Variants in RGPD4 observed in about 807,000 individuals in gnomAD.
RGPD4 encodes ranBP2-like and GRIP domain-containing protein 4.
Under a neutral mutation model 141.1 loss-of-function variants are expected in RGPD4, and 84 were observed. The observed-to-expected ratio is 0.60, with a 90% CI of 0.50 to 0.71. The LOEUF (loss-of-function observed/expected upper bound fraction) is 0.71, where lower values mean the gene tolerates loss of function less well. RGPD4 is among the 30% of genes least tolerant of loss of function. The pLI is 0.00. For synonymous variants in RGPD4, 298 were observed against 566.8 expected (o/e 0.53, Z 6.74); for missense variants, 918 against 1,622.4 (o/e 0.57, Z 7.46).
Position 107,871,240 on chromosome 2 carries a change from A to G in RGPD4, c.3236A>G (p.Glu1079Gly). ...GATGCTGAGGTAAGGCAGTGGAAAG[A>G]AAGGGGCTTGGGGAACTTAAAAATT... is the stretch of plus-strand genomic sequence containing the variant. ...RFDAEVRQWK[E>G]RGLGNLKILK... The change falls in exon 20 of 23, where the codon GAA becomes GGA. Residue 1079 changes from glutamate (E) to glycine (G), a missense_variant. Physicochemically the swap from Glu to Gly is moderately conservative, Grantham distance 98. Coordinates refer to ENST00000408999, the MANE Select transcript of RGPD4 (RefSeq NM_182588.3). The G allele has an allele frequency of 6.2e-7, 1 of 1,609,298 alleles. No individual in the cohort carries two copies. Among genetic ancestry groups the G allele is most frequent in the South Asian group, 1.1e-5 (1 of 90,858 alleles).
At position 107,892,541 on chromosome 2, in the gene RGPD4, T is replaced by A. The variant is rs1288563814; in HGVS notation, c.*1810T>A. Among the ~76,000 whole-genome samples the A allele has an allele frequency of 7.3e-6, 1 of 137,008 alleles. No individual in the cohort carries two copies. Among genetic ancestry groups the A allele is most frequent in the East Asian group, 2.0e-4 (1 of 4,960 alleles). 89.9% of individuals were successfully genotyped at this position (137,008 alleles called of 152,430 possible). ...AATATTTCTATTAAATATGTTTAAC[T>A]GTATATTTTTATGGCAGCTCTTTTA... is the stretch of plus-strand genomic sequence containing the variant. On this transcript the variant is annotated 3_prime_UTR_variant, in exon 23 of 23. Coordinates refer to ENST00000408999, the MANE Select transcript of RGPD4 (RefSeq NM_182588.3).
rs753803125 is a variant in RGPD4 at position 107,871,131 on chromosome 2, C to T, written c.3127C>T (p.Gln1043Ter). ...TGACATCCATTTTGAACCAGTAGTT[C>T]AAATGCCTGAAAAAGTAGAACTTGT... is the stretch of plus-strand genomic sequence containing the variant. ...SDDIHFEPVVQMPEKVELVIG... is the reference protein window; with the variant it reads ...SDDIHFEPVV The change falls in exon 20 of 23, where the codon CAA (glutamine) becomes TAA (stop). Residue 1043 changes from glutamine (Q) to a stop codon, truncating the protein, a stop_gained. Transcript: ENST00000408999. LOFTEE classifies it high-confidence loss of function. 1.2e-6 allele frequency: 2 copies of T among 1,610,270 alleles called. No individual in the cohort carries two copies. Among genetic ancestry groups the T allele is most frequent in the African/African-American group, 1.4e-5 (1 of 73,826 alleles).
chr2:107,832,198 T>C (rs1477032446), intron 1 of RGPD4, among the ~76,000 whole-genome samples: 1 of 151,090 alleles, frequency 6.6e-6, no homozygotes, highest in African/African-American at 2.4e-5. Context: ...ATTGATTGAT[T>C]GATTGATTGT....
chr2:107,885,665 CTT>C (rs1296138179), intron 22 of RGPD4, among the ~76,000 whole-genome samples: 2 of 152,262 alleles, frequency 1.3e-5, no homozygotes, highest in Non-Finnish European at 1.5e-5. Flanking sequence ...CTACTTGTCT[CTT>C]ATCAATGTGA....
chr2:107,861,920 C>CT (rs1232805281), intron 15 of RGPD4, among the ~76,000 whole-genome samples, 180 bp downstream of exon 15: 1 of 140,944 alleles, frequency 7.1e-6, no homozygotes, highest in African/African-American at 2.7e-5. Context: ...TTTGGTGTGT[C>CT]TTTTTAAACT....
intron 1 of RGPD4, among the ~76,000 whole-genome samples, chr2:107,828,548 G>A (rs867604557): frequency 4.6e-4 from 55 of 118,844 alleles, no homozygotes; most frequent in Admixed American, 2.0e-3. Context: ...CATGGCTCCC[G>A]ACGGGCGCTG....
intron 20 of RGPD4, among the ~76,000 whole-genome samples, chr2:107,874,865 T>C (rs1213207803): frequency 1.3e-5 from 2 of 151,582 alleles, no homozygotes; most frequent in South Asian, 2.1e-4. Flanking sequence ...TACGGTGTAC[T>C]GTTATTTCTC....
intron 21 of RGPD4, among the ~76,000 whole-genome samples, chr2:107,881,907 G>C (rs945510993): frequency 6.6e-6 from 1 of 151,624 alleles, no homozygotes; most frequent in African/African-American, 2.4e-5. Context: ...ATTAAGTGCC[G>C]TTCACTGTGG....
intron 15 of RGPD4, among the ~76,000 whole-genome samples, chr2:107,862,325 A>AT: frequency 7.1e-6 from 1 of 140,758 alleles, no homozygotes; most frequent in Non-Finnish European, 1.5e-5. Flanking sequence ...TCAGTAACTT[A>AT]TTTTGTTCAC....
chr2:107,840,811 G>A lies in RGPD4; in HGVS notation c.405+1847G>A, dbSNP rs1259779107. Among the ~76,000 whole-genome samples the A allele has an allele frequency of 2.8e-5, 2 of 70,844 alleles. 1 individual carries two copies. The highest frequency in any genetic ancestry group is 2.2e-4 in the Admixed American group (2 of 9,066). The allele number at this position is 70,844 out of a possible 152,430, so 46.5% of individuals were successfully genotyped here. A position where few individuals can be genotyped will look rare whatever the true frequency, so the allele number is the denominator to read the frequency against. On this transcript the variant is annotated intron_variant, in intron 4 of 22. Coordinates refer to ENST00000408999, the MANE Select transcript of RGPD4 (RefSeq NM_182588.3). The stretch of plus-strand genomic sequence containing the variant: ...GTCGCCCATGCTGGAGTGCAGTGGT[G>A]CTATCTTGGCTCACTGCCACTTCTG...
In RGPD4 at chr2:107,871,290, C is replaced by G. The variant is rs1441920664; in HGVS notation, c.3286C>G (p.Pro1096Ala). 8 of 1,606,716 alleles carry G rather than the reference C, an allele frequency of 5.0e-6. No homozygotes were observed. The South Asian group carries it at 8.8e-5, about 18-fold the overall frequency. The part of the protein sequence containing the change: ...KILKNEVNGK[P>A]RMLMRREQVL... The stretch of plus-strand genomic sequence containing the variant: ...TCTCAAAAACGAGGTCAATGGCAAA[C>G]CAAGAATGCTGATGCGAAGAGAACA... The change falls in exon 20 of 23, where the codon CCA becomes GCA. Residue 1096 changes from proline (P) to alanine (A), a missense_variant. By Grantham distance (27) the Pro-to-Ala change is conservative. Coordinates refer to ENST00000408999, the MANE Select transcript of RGPD4 (RefSeq NM_182588.3).
rs764052329 is a variant in RGPD4 at position 107,827,041 on chromosome 2, C to G, written c.28C>G (p.Arg10Gly). The change falls in exon 1 of 23, where the codon CGG (arginine) becomes GGG (glycine). Residue 10 changes from arginine to glycine, a missense_variant. Coordinates refer to ENST00000408999, the MANE Select transcript of RGPD4 (RefSeq NM_182588.3). ...GAGTTGCAGCAAGGCCTACGGGGAG[C>G]GGTACGTCGCCTCCGTGCAGGGCTC... MSCSKAYGE[R>G]YVASVQGSAP... is the part of the protein sequence containing the mutation. 37 of 1,598,736 alleles carry G rather than the reference C, an allele frequency of 2.3e-5. No homozygotes were observed. The highest frequency in any genetic ancestry group is 2.7e-5 in the Non-Finnish European group (32 of 1,174,144).
At chr2:107,882,340 C>T (rs1277009679) in intron 21 of RGPD4, among the ~76,000 whole-genome samples, 2 of 151,864 alleles carry the variant, frequency 1.3e-5, no homozygotes, top group African/African-American at 4.9e-5. Flanking sequence ...ACCCCTCTTC[C>T]TTCCAACCCA....
intron 1 of RGPD4, among the ~76,000 whole-genome samples, chr2:107,830,002 C>T (rs189197500): frequency 0.059 from 9,005 of 152,062 alleles, 297 homozygotes; most frequent in South Asian, 0.11. Context: ...AGGTAGGCAT[C>T]TCAGCGCGGA....
intron 7 of RGPD4, among the ~76,000 whole-genome samples, chr2:107,852,262 A>G (rs979853662): frequency 6.6e-6 from 1 of 150,640 alleles, no homozygotes; most frequent in Non-Finnish European, 1.5e-5. Context: ...AAAAAAAAAA[A>G]AAAGGAAATA....
intron 20 of RGPD4, among the ~76,000 whole-genome samples, chr2:107,878,559 T>C (rs1449249306): frequency 6.6e-6 from 1 of 150,954 alleles, no homozygotes; most frequent in Non-Finnish European, 1.5e-5. Context: ...CTAAGGTACA[T>C]ATGCTTTTTT....
intron 17 of RGPD4, among the ~76,000 whole-genome samples, chr2:107,863,778 C>A (rs1315420570): frequency 5.9e-5 from 9 of 152,080 alleles, no homozygotes; most frequent in Non-Finnish European, 4.4e-5. Context: ...CAGGTGTAAA[C>A]CACCGCACCC....
At chr2:107,830,244 G>C (rs55829724) in intron 1 of RGPD4, among the ~76,000 whole-genome samples, 11 of 150,408 alleles carry the variant, frequency 7.3e-5, no homozygotes, top group Admixed American at 2.0e-4. Flanking sequence ...CTTTTCCACA[G>C]ATGTTTTAAG....
intron 22 of RGPD4, among the ~76,000 whole-genome samples, chr2:107,888,371 A>G (rs1301037857): frequency 1.3e-5 from 2 of 151,140 alleles, no homozygotes; most frequent in Non-Finnish European, 2.9e-5. Context: ...TGAACATACA[A>G]CAGTGCATTT....
Sources: gnomAD v4.1 joint callset for allele counts (sites outside exome capture counted in the v4.1 genomes callset) on GRCh38, gnomAD v4.1.1 for gene constraint, MANE v1.5 for transcripts, NCBI Gene and HGNC (gene_info 2026-07-23, HGNC 2026-07-21) for gene names.